SCN9A: variants seen among roughly 807,000 people sequenced by gnomAD.
SCN9A encodes sodium voltage-gated channel alpha subunit 9.
A neutral mutation model predicts 187.0 loss-of-function variants in SCN9A; 131 were observed. That is an observed-to-expected ratio of 0.70 (90% CI 0.61 to 0.81). The LOEUF (loss-of-function observed/expected upper bound fraction) is 0.81, where lower values mean the gene tolerates loss of function less well. Ranked by LOEUF, SCN9A falls within the 30% of genes least tolerant of loss-of-function variation. The probability of loss-of-function intolerance (pLI) is 0.00; values close to 1 mark genes in which losing one functional copy is unlikely to be tolerated. For missense variants in SCN9A, 2,252 were observed against 2,396.6 expected (o/e 0.94, Z 1.26); for synonymous variants, 809 against 808.6 (o/e 1.00, Z -0.01).
chr2:166,260,597 A>G lies in SCN9A; in HGVS notation c.3352-8712T>C, dbSNP rs552255802. Among the ~76,000 whole-genome samples the G allele has an allele frequency of 1.9e-3, 285 of 151,924 alleles. 1 individual carries two copies. Among genetic ancestry groups the G allele is most frequent in the Middle Eastern group, 3.4e-3 (1 of 294 alleles). On this transcript the variant is annotated intron_variant, in intron 17 of 26. Transcript: ENST00000642356. ...ATTAGAGTGTATACTTTTTGTTGTC[A>G]ATGATCAATCACCCTTTACCTTTGA...
chr2:166,306,401 G>A, intron 4 of SCN9A, 109 bp downstream of exon 4: 2 of 710,956 alleles, frequency 2.8e-6, no homozygotes, highest in Non-Finnish European at 5.1e-6. Context: ...TATAACATGG[G>A]AAGGTAAAGA....
At chr2:166,214,604 T>A (rs1694248816) in intron 24 of SCN9A, among the ~76,000 whole-genome samples, 1 of 133,362 alleles carries the variant, frequency 7.5e-6, no homozygotes, top group Non-Finnish European at 1.6e-5. Context: ...AAGCTCCGCC[T>A]CCCGGGTTCA....
At chr2:166,311,330 C>CTATATATATATATATATA (rs10688081) in intron 2 of SCN9A, among the ~76,000 whole-genome samples, 169 bp downstream of exon 2, 4 of 46,718 alleles carry the variant, frequency 8.6e-5, no homozygotes, top group Non-Finnish European at 1.4e-4. Flanking sequence ...TCTGAATATC[C>CTATATATATATATATATA]TATATATATA....
At position 166,204,025 on chromosome 2, in the gene SCN9A, G is replaced by A. The variant is rs1299193372; in HGVS notation, c.4704C>T (p.Ser1568=). 2 of 1,608,070 alleles carry A rather than the reference G, an allele frequency of 1.2e-6. No individual in the cohort carries two copies. The highest frequency in any genetic ancestry group is 2.7e-5 in the African/African-American group (2 of 74,724). The change falls in exon 26 of 27, where the codon TCC becomes TCT. Residue 1568 remains serine, a synonymous_variant. Coordinates refer to ENST00000642356, the MANE Select transcript of SCN9A (RefSeq NM_001365536.1). The part of the protein sequence containing the change: ...FTGECVLKLI[S]LRHYYFTVGW... ...CTACAGTGAAGTAGTAGTGTCTGAG[G>A]GAGATCAGTTTTAGCACACATTCTC... is the stretch of plus-strand genomic sequence containing the variant.
chr2:166,362,298 CTT>C (rs1247886155), intron 1 of SCN9A, among the ~76,000 whole-genome samples: 1 of 151,986 alleles, frequency 6.6e-6, no homozygotes, highest in African/African-American at 2.4e-5. Flanking sequence ...TCTGCTCTCT[CTT>C]GGAACTAAAG....
intron 26 of SCN9A, among the ~76,000 whole-genome samples, 177 bp downstream of exon 26, chr2:166,203,778 A>G (rs1693657998): frequency 6.6e-6 from 1 of 151,936 alleles, no homozygotes; most frequent in Non-Finnish European, 1.5e-5. Flanking sequence ...TAAACCCAGA[A>G]ACACTGTAGT....
intron 24 of SCN9A, chr2:166,205,261 A>G (rs1484795189): frequency 6.6e-6 from 1 of 152,274 alleles, no homozygotes; most frequent in Non-Finnish European, 1.5e-5. Context: ...ACTTCAAACT[A>G]TACTACAAGG....
At chr2:166,280,999 T>C (rs1361808021) in intron 13 of SCN9A, among the ~76,000 whole-genome samples, 2 of 152,184 alleles carry the variant, frequency 1.3e-5, no homozygotes, top group African/African-American at 2.4e-5. Context: ...CAGAAAAAAC[T>C]CTTGCTGTAA....
At chr2:166,366,948 C>T (rs1700431780) in intron 1 of SCN9A, among the ~76,000 whole-genome samples, 1 of 152,126 alleles carries the variant, frequency 6.6e-6, no homozygotes, top group South Asian at 2.1e-4. Context: ...TAAAAGTCAA[C>T]TTCTTGCATT....
chr2:166,242,078 G>A (rs1396851603), intron 19 of SCN9A, among the ~76,000 whole-genome samples: 1 of 152,114 alleles, frequency 6.6e-6, no homozygotes, highest in Non-Finnish European at 1.5e-5. Flanking sequence ...TCGCCAGTTG[G>A]AGCTTACCAG....
At chr2:166,316,171 T>C (rs1699101989) in intron 1 of SCN9A, among the ~76,000 whole-genome samples, 1 of 152,176 alleles carries the variant, frequency 6.6e-6, no homozygotes, top group African/African-American at 2.4e-5. Flanking sequence ...AAGATATTAA[T>C]ATATCTCATA....
chr2:166,206,603 G>T (rs1428252325), intron 24 of SCN9A, among the ~76,000 whole-genome samples: 1 of 152,038 alleles, frequency 6.6e-6, no homozygotes, highest in African/African-American at 2.4e-5. Flanking sequence ...CATGGTACAT[G>T]TATACCTATG....
chr2:166,360,145 C>T (rs1332804417), intron 1 of SCN9A, among the ~76,000 whole-genome samples: 4 of 139,202 alleles, frequency 2.9e-5, no homozygotes, highest in Non-Finnish European at 6.0e-5. Context: ...TGCTTGAACC[C>T]GGGAGGTGGA....
intron 26 of SCN9A, among the ~76,000 whole-genome samples, chr2:166,203,229 T>C (rs1376932736): frequency 1.3e-5 from 2 of 151,900 alleles, no homozygotes; most frequent in African/African-American, 4.8e-5. Context: ...ATTGATAACC[T>C]GTTGATTAAA....
intron 20 of SCN9A, among the ~76,000 whole-genome samples, chr2:166,233,753 G>C (rs573203266): frequency 6.6e-6 from 1 of 152,066 alleles, no homozygotes; most frequent in Non-Finnish European, 1.5e-5. Flanking sequence ...CAATTGCTTT[G>C]TAATTCCTTA....
chr2:166,298,069 G>C (rs62178523), intron 7 of SCN9A, among the ~76,000 whole-genome samples: 21,569 of 152,062 alleles, frequency 0.14, 1,742 homozygotes, highest in East Asian at 0.36. Flanking sequence ...TATCCCCAAC[G>C]AAGGGCAAAT....
intron 1 of SCN9A, among the ~76,000 whole-genome samples, chr2:166,324,986 A>T (rs1239916145): frequency 6.6e-6 from 1 of 152,180 alleles, no homozygotes; most frequent in African/African-American, 2.4e-5. Flanking sequence ...ATGATGTATC[A>T]CATGGTTTTG....
rs573769337 is a variant in SCN9A at position 166,322,179 on chromosome 2, T to A, written c.-50-10373A>T. On this transcript the variant is annotated intron_variant, in intron 1 of 26. Transcript: ENST00000642356. The stretch of plus-strand genomic sequence containing the variant: ...TTAGAAAACACTTTTTTAAAAAAAA[T>A]TTCATTTTATTTGAGTTTCTATAGT... Among the ~76,000 whole-genome samples, 9 of 152,300 alleles carry A rather than the reference T, an allele frequency of 5.9e-5. No homozygotes were observed. In the East Asian group the frequency reaches 9.6e-4, roughly 16 times the overall value.
chr2:166,284,745 C>T lies in SCN9A; in HGVS notation c.1682G>A (p.Gly561Glu). Reference sequence around the variant, plus strand: ...TTCAGTCTCAGATCCTATATCTCTTCCTCTGCCTTTGAAACTAAAAAGACT... The same window carrying T: ...TTCAGTCTCAGATCCTATATCTCTTTCTCTGCCTTTGAAACTAAAAAGACT... ...RTSLFSFKGR[G>E]RDIGSETEFA... Residue 561 changes from glycine to glutamate, a missense_variant, in exon 12 of 27, where the codon GGA becomes GAA. Gly to Glu is a moderately conservative substitution (Grantham distance 98, BLOSUM62 -2). Around this residue, in one of 7 missense-constraint regions of SCN9A, gnomAD observed 1,013 missense variants for 997.4 expected, o/e 1.02. Coordinates refer to ENST00000642356, the MANE Select transcript of SCN9A (RefSeq NM_001365536.1). 7 of 1,613,904 alleles carry T rather than the reference C, an allele frequency of 4.3e-6. No homozygotes were observed. Among genetic ancestry groups the T allele is most frequent in the Non-Finnish European group, 5.9e-6 (7 of 1,179,876 alleles).
Sources: gnomAD v4.1 joint callset for allele counts (sites outside exome capture counted in the v4.1 genomes callset) on GRCh38, gnomAD v4.1.1 for gene constraint, gnomAD v4.1.1 regional missense constraint, MANE v1.5 for transcripts, NCBI Gene and HGNC (gene_info 2026-07-23, HGNC 2026-07-21) for gene names.